Variants in AFF2 observed in about 807,000 individuals in gnomAD.
AFF2 encodes the protein ALF transcription elongation factor 2.
In AFF2, 14 loss-of-function variants were observed where a neutral mutation model predicts 76.9. The observed-to-expected ratio is 0.18, with a 90% confidence interval of 0.12 to 0.28. The LOEUF is 0.28. AFF2 is among the 10% of genes least tolerant of loss of function. The pLI is 1.00. For missense variants in AFF2, 868 were observed against 1,001.1 expected (o/e 0.87, Z 1.79); for synonymous variants, 398 against 366.7 (o/e 1.09, Z -0.98).
At chrX:148,589,785 A>G in intron 1 of AFF2, among the ~76,000 whole-genome samples, 1 of 110,641 alleles carries the variant, frequency 9.0e-6, no homozygotes, top group Non-Finnish European at 1.9e-5. Context: ...CATTGCAGAA[A>G]GTAAACTGTG....
intron 3 of AFF2, among the ~76,000 whole-genome samples, chrX:148,768,595 T>C (rs1434203185): frequency 9.0e-6 from 1 of 111,587 alleles, no homozygotes; most frequent in Non-Finnish European, 1.9e-5. Context: ...CAAGTTAATG[T>C]GATCTGCAAG....
chrX:148,951,097 C>T (rs932696008), intron 9 of AFF2, among the ~76,000 whole-genome samples: 5 of 110,137 alleles, frequency 4.5e-5, no homozygotes, highest in African/African-American at 6.6e-5. Context: ...TAAAAACATC[C>T]GAATACTAAA....
intron 3 of AFF2, among the ~76,000 whole-genome samples, chrX:148,757,545 G>A (rs2069388447): frequency 9.0e-6 from 1 of 111,198 alleles, no homozygotes; most frequent in African/African-American, 3.3e-5. Flanking sequence ...TAGGTGCCCA[G>A]TGAATGAGAG....
intron 4 of AFF2, among the ~76,000 whole-genome samples, chrX:148,811,001 G>A (rs1448019616): frequency 1.8e-5 from 2 of 111,228 alleles, no homozygotes; most frequent in Non-Finnish European, 3.8e-5. Flanking sequence ...CATTGAAATG[G>A]CTTGCCACCC....
chrX:148,980,918 TC>T, intron 19 of AFF2, 128 bp downstream of exon 19: 1 of 420,517 alleles, frequency 2.4e-6, no homozygotes, highest in Non-Finnish European at 4.1e-6. Flanking sequence ...CATACAAAAT[TC>T]CAGCCAGGCT....
At chrX:148,862,354 C>A (rs1431475580) in intron 7 of AFF2, among the ~76,000 whole-genome samples, 3 of 111,088 alleles carry the variant, frequency 2.7e-5, no homozygotes, top group Non-Finnish European at 3.8e-5. Flanking sequence ...CTGCCTTCCC[C>A]TGCCCTCTGT....
At chrX:148,916,812 G>A (rs1557282667) in intron 9 of AFF2, among the ~76,000 whole-genome samples, 1 of 111,160 alleles carries the variant, frequency 9.0e-6, no homozygotes. Context: ...TCCATGTTTT[G>A]AAGTGTCACC....
At position 148,709,632 on chromosome X, in the gene AFF2, A is replaced by G. The variant is rs192512105; in HGVS notation, c.1041+46864A>G. Among the ~76,000 whole-genome samples, 92 of 112,216 alleles carry G rather than the reference A, an allele frequency of 8.2e-4. No individual in the cohort carries two copies. In the Middle Eastern group the frequency reaches 0.014, roughly 17 times the overall value. On this transcript the variant is annotated intron_variant, in intron 3 of 20. Coordinates refer to ENST00000370460, the MANE Select transcript of AFF2 (RefSeq NM_002025.4). ...CATAGTAGAGGATTTGCTTTTTACA[A>G]TGACTTTGCTGTTTGAATTGTGAGA...
chrX:148,929,833 C>A (rs1446682599), intron 9 of AFF2, among the ~76,000 whole-genome samples: 5 of 112,013 alleles, frequency 4.5e-5, no homozygotes, highest in Admixed American at 1.9e-4. Flanking sequence ...AAAGATCCTA[C>A]AAAATGAGTC....
intron 1 of AFF2, among the ~76,000 whole-genome samples, chrX:148,632,393 C>G (rs1227399336): frequency 9.0e-6 from 1 of 111,366 alleles, no homozygotes; most frequent in African/African-American, 3.3e-5. Context: ...ATAGGATACA[C>G]TTTGACTTGG....
intron 1 of AFF2, among the ~76,000 whole-genome samples, chrX:148,599,964 AC>A (rs1557247831): frequency 1.8e-5 from 2 of 112,038 alleles, no homozygotes; most frequent in African/African-American, 6.5e-5. Context: ...AACCATCACA[AC>A]TTTCTCCTTC....
chrX:148,784,498 G>T (rs1362309373), intron 3 of AFF2, among the ~76,000 whole-genome samples: 4 of 111,740 alleles, frequency 3.6e-5, no homozygotes, highest in African/African-American at 1.3e-4. Context: ...TTATGGCAGG[G>T]GTGCCTGTGT....
chrX:148,557,585 A>G (rs2053065364), intron 1 of AFF2, among the ~76,000 whole-genome samples: 1 of 111,890 alleles, frequency 8.9e-6, no homozygotes, highest in African/African-American at 3.2e-5. Flanking sequence ...AGAGAAAGAG[A>G]GAGAGCAAGG....
chrX:148,834,880 C>A (rs1216786243), intron 4 of AFF2, among the ~76,000 whole-genome samples: 2 of 112,129 alleles, frequency 1.8e-5, no homozygotes, highest in Non-Finnish European at 3.8e-5. Flanking sequence ...GGAAGATATT[C>A]TTTCAGGAAA....
At chrX:148,907,862 T>C (rs953146203) in intron 9 of AFF2, among the ~76,000 whole-genome samples, 1 of 110,800 alleles carries the variant, frequency 9.0e-6, no homozygotes, top group Non-Finnish European at 1.9e-5. Context: ...CTGGGAGCGC[T>C]ATGGGAGACT....
intron 1 of AFF2, among the ~76,000 whole-genome samples, chrX:148,523,227 A>T (rs1557234755): frequency 8.9e-6 from 1 of 112,186 alleles, no homozygotes; most frequent in Admixed American, 9.5e-5. Flanking sequence ...AAATTTATTT[A>T]TTTTCATTTT....
chrX:148,912,596 T>C (rs1185755209), intron 9 of AFF2, among the ~76,000 whole-genome samples: 1 of 112,061 alleles, frequency 8.9e-6, no homozygotes, highest in East Asian at 2.8e-4. Context: ...AACCTACACA[T>C]GTACCCCTGA....
At chrX:148,704,687 C>T (rs966768048) in intron 3 of AFF2, among the ~76,000 whole-genome samples, 14 of 106,764 alleles carry the variant, frequency 1.3e-4, no homozygotes, top group African/African-American at 3.7e-4. Flanking sequence ...CCACCACACC[C>T]GGCTAATTTT....
intron 2 of AFF2, among the ~76,000 whole-genome samples, chrX:148,660,989 A>G (rs957311966): frequency 8.9e-6 from 1 of 112,390 alleles, no homozygotes. Context: ...AATTATTTTA[A>G]AAACAATCAC....
Sources: allele counts gnomAD v4.1 joint callset (sites outside exome capture counted in the v4.1 genomes callset), GRCh38; gene constraint gnomAD v4.1.1; transcripts MANE v1.5; gene names NCBI Gene and HGNC (gene_info 2026-07-23, HGNC 2026-07-21).